PTPRN2: variants seen among roughly 807,000 people sequenced by gnomAD.
The protein encoded by PTPRN2 is receptor-type tyrosine-protein phosphatase N2.
A neutral mutation model predicts 118.8 loss-of-function variants in PTPRN2; 74 were observed. The ratio of observed to expected loss-of-function variants is 0.62; its 90% CI spans 0.52 to 0.76. The LOEUF (loss-of-function observed/expected upper bound fraction) is 0.76. Among genes scored for constraint, PTPRN2 ranks in the 30% least tolerant of loss-of-function variants. The pLI, the probability that PTPRN2 is intolerant of heterozygous loss-of-function variation, is 0.00. For synonymous variants in PTPRN2, 641 were observed against 608.0 expected (o/e 1.05, Z -0.80); for missense variants, 1,481 against 1,394.4 (o/e 1.06, Z -0.99).
intron 2 of PTPRN2, among the ~76,000 whole-genome samples, chr7:158,394,103 C>G (rs1437807298): frequency 6.6e-6 from 1 of 151,212 alleles, no homozygotes; most frequent in Non-Finnish European, 1.5e-5. Flanking sequence ...CCTTCTCTCC[C>G]ACAGACACCT....
chr7:158,219,747 T>C (rs1013334427), intron 3 of PTPRN2, among the ~76,000 whole-genome samples: 1 of 151,944 alleles, frequency 6.6e-6, no homozygotes, highest in South Asian at 2.1e-4. Context: ...TTTTCTGGGT[T>C]TTTTCCATTT....
intron 12 of PTPRN2, among the ~76,000 whole-genome samples, chr7:157,725,003 A>G (rs1385714558): frequency 6.6e-6 from 1 of 152,260 alleles, no homozygotes; most frequent in African/African-American, 2.4e-5. Context: ...TTAAAAATGT[A>G]CTGATCTGAA....
Position 158,440,477 on chromosome 7 carries a change from GTGA to G in PTPRN2, c.163+49255_163+49257del, listed in dbSNP as rs1339683531. On this transcript the variant is annotated intron_variant, in intron 2 of 22. Transcript: ENST00000389418. ...AATGGTAGTAGCTATGGGTGTGGTGGTGATGATGGTGGTGATGGTAGTGATGGT... is the reference window on the plus strand; with the variant it reads ...AATGGTAGTAGCTATGGGTGTGGTGGTGATGGTGGTGATGGTAGTGATGGT... Among the ~76,000 whole-genome samples the G allele has an allele frequency of 2.0e-4, 30 of 148,894 alleles. 1 individual carries two copies. The highest frequency in any genetic ancestry group is 3.4e-3 in the Middle Eastern group (1 of 292).
Position 158,330,872 on chromosome 7 carries a change from G to A in PTPRN2, c.164-13940C>T, listed in dbSNP as rs1254457192. Among the ~76,000 whole-genome samples the A allele has an allele frequency of 4.0e-5, 4 of 100,070 alleles. 1 individual carries two copies. The highest frequency in any genetic ancestry group is 1.1e-4 in the African/African-American group (3 of 27,902). 65.6% of individuals were successfully genotyped at this position (100,070 alleles called of 152,430 possible). A position where few individuals can be genotyped will look rare whatever the true frequency, so the allele number is the denominator to read the frequency against. On this transcript the variant is annotated intron_variant, in intron 2 of 22. Transcript: ENST00000389418. ...ACCATAAGAGCTGATGCCCGCAGAC[G>A]TCATTCACACCCAAACTCTCACCAT...
intron 11 of PTPRN2, among the ~76,000 whole-genome samples, chr7:158,072,045 TG>T (rs1445120555): frequency 1.1e-4 from 16 of 143,274 alleles, no homozygotes; most frequent in Admixed American, 5.5e-4. Flanking sequence ...GTGCTCGTGG[TG>T]GTGGAGGTTC....
chr7:158,325,598 A>G (rs1316070848), intron 2 of PTPRN2, among the ~76,000 whole-genome samples: 1 of 152,230 alleles, frequency 6.6e-6, no homozygotes, highest in African/African-American at 2.4e-5. Flanking sequence ...AACTATCAGA[A>G]CAAAGTTCTT....
At chr7:157,726,972 C>T (rs1441459890) in intron 12 of PTPRN2, among the ~76,000 whole-genome samples, 4 of 152,168 alleles carry the variant, frequency 2.6e-5, no homozygotes, top group Admixed American at 1.3e-4. Context: ...ATGCCATGTG[C>T]GTGACTCTTA....
intron 3 of PTPRN2, among the ~76,000 whole-genome samples, chr7:158,292,684 C>T (rs1800200037): frequency 6.6e-6 from 1 of 152,248 alleles, no homozygotes; most frequent in Non-Finnish European, 1.5e-5. Flanking sequence ...CTACAAGTTA[C>T]TGTGCTGAAT....
At chr7:158,127,055 A>G (rs938323395) in intron 9 of PTPRN2, among the ~76,000 whole-genome samples, 5 of 152,206 alleles carry the variant, frequency 3.3e-5, no homozygotes, top group African/African-American at 1.2e-4. Flanking sequence ...ACTTGAAGGA[A>G]GAAACATTTC....
rs1174086860 is a variant in PTPRN2, at chr7:158,197,171, G to C, written c.381-4676C>G. 6.6e-5 allele frequency among the ~76,000 whole-genome samples: 10 copies of C among 152,352 alleles called. No homozygotes were observed. In the East Asian group the frequency reaches 1.9e-3, roughly 29 times the overall value. ...CACCCAACAGCCTGAGGGAGGTGCA[G>C]CTCAGACTTTGCAGGTGCTGAGTGA... On this transcript the variant is annotated intron_variant, in intron 4 of 22. Transcript: ENST00000389418.
chr7:158,247,122 C>G (rs1004396519), intron 3 of PTPRN2, among the ~76,000 whole-genome samples: 3 of 152,184 alleles, frequency 2.0e-5, no homozygotes, highest in African/African-American at 7.2e-5. Flanking sequence ...GTGTGGGCTT[C>G]CCGGCTGCCC....
chr7:157,677,269 C>A (rs550853784), intron 13 of PTPRN2, among the ~76,000 whole-genome samples: 4 of 152,222 alleles, frequency 2.6e-5, no homozygotes, highest in African/African-American at 9.6e-5. Flanking sequence ...CTCAGACTTT[C>A]CAATTTTTTT....
At chr7:158,149,563 G>T (rs896923286) in intron 6 of PTPRN2, among the ~76,000 whole-genome samples, 1 of 152,140 alleles carries the variant, frequency 6.6e-6, no homozygotes, top group Non-Finnish European at 1.5e-5. Context: ...CAGCACTTTG[G>T]GGTCCGAGGT....
At chr7:157,545,333 T>G (rs113095456) in intron 22 of PTPRN2, among the ~76,000 whole-genome samples, 59,892 of 148,132 alleles carry the variant, frequency 0.4, 12,776 homozygotes, top group Middle Eastern at 0.58. Context: ...TAGGTGTGTG[T>G]GGGGGGTGTG....
intron 16 of PTPRN2, among the ~76,000 whole-genome samples, chr7:157,601,338 G>C (rs1243808966): frequency 1.3e-5 from 2 of 152,112 alleles, no homozygotes; most frequent in African/African-American, 4.8e-5. Flanking sequence ...GTAATTGTGA[G>C]CTTTTCATTC....
intron 12 of PTPRN2, among the ~76,000 whole-genome samples, chr7:157,707,568 T>C (rs1437864182): frequency 6.6e-6 from 1 of 150,738 alleles, no homozygotes; most frequent in Non-Finnish European, 1.5e-5. Context: ...CAGAGGCAGA[T>C]TTCTTTTTCC....
intron 14 of PTPRN2, among the ~76,000 whole-genome samples, chr7:157,648,830 G>A (rs529183065): frequency 2.1e-5 from 3 of 146,244 alleles, no homozygotes; most frequent in South Asian, 2.3e-4. Context: ...CACTGAACTC[G>A]GTGGGTCGGA....
intron 5 of PTPRN2, among the ~76,000 whole-genome samples, chr7:158,169,740 T>C (rs1163506656): frequency 6.6e-6 from 1 of 152,162 alleles, no homozygotes; most frequent in Admixed American, 6.5e-5. Flanking sequence ...TCGCCCAGGC[T>C]GGAGTGCAGT....
chr7:157,951,651 C>T (rs1162405844), intron 11 of PTPRN2, among the ~76,000 whole-genome samples: 1 of 152,238 alleles, frequency 6.6e-6, no homozygotes, highest in East Asian at 1.9e-4. Flanking sequence ...GAATCACGGG[C>T]TAACGTCCCT....
Sources: allele counts gnomAD v4.1 joint callset (sites outside exome capture counted in the v4.1 genomes callset), GRCh38; gene constraint gnomAD v4.1.1; transcripts MANE v1.5; gene names NCBI Gene and HGNC (gene_info 2026-07-23, HGNC 2026-07-21).